The following WDR27 variants were observed in gnomAD, a reference collection of about 807,000 sequenced individuals.
WDR27 encodes the protein WD repeat domain 27.
WDR27 carries 100 observed loss-of-function variants against 114.4 expected under a neutral mutation model. The ratio of observed to expected loss-of-function variants is 0.87; its 90% CI spans 0.74 to 1.03. The LOEUF (loss-of-function observed/expected upper bound fraction) is 1.03. Ranked by LOEUF, WDR27 falls within the 50% of genes least tolerant of loss-of-function variation. The probability of loss-of-function intolerance (pLI) is 0.00; values close to 1 mark genes in which losing one functional copy is unlikely to be tolerated. For missense variants in WDR27, 1,129 were observed against 1,092.9 expected, an observed-to-expected ratio of 1.03 and a Z score of -0.47; for synonymous variants, 449 against 423.1, an observed-to-expected ratio of 1.06 and a Z score of -0.75.
chr6:169,472,147 TA>T (rs900092038), intron 25 of WDR27, among the ~76,000 whole-genome samples: 13 of 152,170 alleles, frequency 8.5e-5, no homozygotes, highest in Non-Finnish European at 1.8e-4. Flanking sequence ...TTGACATTGA[TA>T]GATGTTTGCT....
At chr6:169,454,219 C>T (rs1159891549), downstream of WDR27, among the ~76,000 whole-genome samples, 3 of 152,028 alleles carry the variant, frequency 2.0e-5, no homozygotes, top group Non-Finnish European at 4.4e-5. Context: ...TTTGTGTGAG[C>T]TATATGAAAT....
At chr6:169,548,012 T>C in intron 25 of WDR27, among the ~76,000 whole-genome samples, 1 of 151,766 alleles carries the variant, frequency 6.6e-6, no homozygotes, top group East Asian at 1.9e-4. Context: ...GGTTAATACA[T>C]AAAAGTTAAT....
chr6:169,586,877 C>CAA (rs1804738926), intron 23 of WDR27, among the ~76,000 whole-genome samples: 2 of 44,914 alleles, frequency 4.5e-5, no homozygotes, highest in Non-Finnish European at 1.4e-4. Flanking sequence ...AAAAAAAAGG[C>CAA]AGTCGCTTCC....
chr6:169,502,059 C>A (rs113883597), intron 25 of WDR27, among the ~76,000 whole-genome samples: 2 of 152,184 alleles, frequency 1.3e-5, no homozygotes, highest in Non-Finnish European at 2.9e-5. Context: ...CGGAGCCGCA[C>A]GCACCACCTC....
chr6:169,651,744 C>T (rs946786241), intron 14 of WDR27, among the ~76,000 whole-genome samples, 186 bp downstream of exon 14: 5 of 152,186 alleles, frequency 3.3e-5, no homozygotes, highest in Non-Finnish European at 7.3e-5. Flanking sequence ...GAAACGTTTG[C>T]TGCTGCAGCT....
At chr6:169,429,238 T>C in the WDR27 span, among the ~76,000 whole-genome samples, 1 of 152,080 alleles carries the variant, frequency 6.6e-6, no homozygotes, top group Non-Finnish European at 1.5e-5. Flanking sequence ...ACTTTTACAC[T>C]TCACAGTCAC....
chr6:169,465,727 C>A (rs1268837749), intron 25 of WDR27, among the ~76,000 whole-genome samples: 2 of 152,308 alleles, frequency 1.3e-5, no homozygotes, highest in East Asian at 1.9e-4. Context: ...GAAGGAAAGT[C>A]TGGCACAGGC....
chr6:169,592,746 C>A, intron 23 of WDR27, among the ~76,000 whole-genome samples: 1 of 152,154 alleles, frequency 6.6e-6, no homozygotes, highest in East Asian at 1.9e-4. Flanking sequence ...AACATTCTGG[C>A]TCTGTTCCCA....
chr6:169,587,922 T>A, intron 23 of WDR27, among the ~76,000 whole-genome samples: 1 of 152,228 alleles, frequency 6.6e-6, no homozygotes, highest in East Asian at 1.9e-4. Context: ...TACCAAGCAA[T>A]TCAGCTTTTT....
At position 169,516,508 on chromosome 6, in the gene WDR27, G is replaced by C. The variant is rs1032593974; in HGVS notation, c.2645+55911C>G. ...TGCTGCGGTGGGGAATGGGCGGTGG[G>C]GACATTTGTCTAAAACATTTACAGA... On this transcript the variant is annotated intron_variant, in intron 25 of 25. Transcript: ENST00000448612. Among the ~76,000 whole-genome samples the C allele has an allele frequency of 2.6e-5, 4 of 152,028 alleles. No homozygotes were observed. The East Asian group carries it at 5.8e-4, about 22-fold the overall frequency.
chr6:169,678,254 G>T (rs1479547449), intron 2 of WDR27, among the ~76,000 whole-genome samples: 5 of 152,328 alleles, frequency 3.3e-5, no homozygotes, highest in Admixed American at 3.3e-4. Flanking sequence ...CAGGGACAGA[G>T]CTGCCCCAGG....
At chr6:169,700,883 T>C (rs1221560053) in intron 1 of WDR27, among the ~76,000 whole-genome samples, 1 of 152,214 alleles carries the variant, frequency 6.6e-6, no homozygotes, top group Admixed American at 6.5e-5. Flanking sequence ...TCACAGGATA[T>C]CCCCAGGAAT....
intron 12 of WDR27, among the ~76,000 whole-genome samples, 156 bp downstream of exon 12, chr6:169,658,930 A>AC (rs1825126376): frequency 6.6e-6 from 1 of 151,922 alleles, no homozygotes; most frequent in Admixed American, 6.6e-5. Context: ...CTCGTGATCC[A>AC]CCCGCCTCGG....
chr6:169,617,637 A>G (rs923650180), intron 21 of WDR27, among the ~76,000 whole-genome samples: 1 of 152,090 alleles, frequency 6.6e-6, no homozygotes, highest in Non-Finnish European at 1.5e-5. Flanking sequence ...CTGCCTCCCA[A>G]AGTGCTGGGA....
chr6:169,483,225 A>C (rs1788434872), intron 25 of WDR27, among the ~76,000 whole-genome samples: 1 of 152,222 alleles, frequency 6.6e-6, no homozygotes, highest in African/African-American at 2.4e-5. Context: ...AACAATTCAA[A>C]AGATTAACAA....
At chr6:169,441,658 A>C in the WDR27 span, among the ~76,000 whole-genome samples, 4 of 152,010 alleles carry the variant, frequency 2.6e-5, no homozygotes, top group Non-Finnish European at 4.4e-5. Flanking sequence ...AGTGTTACCC[A>C]CTCTTGTCAC....
At chr6:169,615,471 A>C (rs1811586522) in intron 21 of WDR27, among the ~76,000 whole-genome samples, 1 of 152,166 alleles carries the variant, frequency 6.6e-6, no homozygotes. Context: ...CAGTATTGAT[A>C]ATAAAGCCAC....
At chr6:169,523,279 G>A (rs1290755801) in intron 25 of WDR27, among the ~76,000 whole-genome samples, 1 of 152,020 alleles carries the variant, frequency 6.6e-6, no homozygotes, top group Non-Finnish European at 1.5e-5. Context: ...AATGAGTAAT[G>A]AGATCAAAGC....
intron 2 of WDR27, among the ~76,000 whole-genome samples, chr6:169,675,360 G>T (rs1779822489): frequency 6.6e-6 from 1 of 152,152 alleles, no homozygotes; most frequent in Non-Finnish European, 1.5e-5. Flanking sequence ...CACCATGATT[G>T]TAAGGTTCCT....
Sources: allele counts gnomAD v4.1 joint callset (sites outside exome capture counted in the v4.1 genomes callset), GRCh38; gene constraint gnomAD v4.1.1; transcripts MANE v1.5; gene names NCBI Gene and HGNC (gene_info 2026-07-23, HGNC 2026-07-21).